EIF2AK2: variants seen among roughly 807,000 people sequenced by gnomAD.
The protein encoded by EIF2AK2 is interferon-induced, double-stranded RNA-activated protein kinase.
In EIF2AK2, 40 loss-of-function variants were observed where a neutral mutation model predicts 70.5. That is an observed-to-expected ratio of 0.57 (90% CI 0.44 to 0.74). The LOEUF (loss-of-function observed/expected upper bound fraction) is 0.74. Ranked by LOEUF, EIF2AK2 falls within the 30% of genes least tolerant of loss-of-function variation. The pLI is 0.00. For synonymous variants in EIF2AK2, 198 were observed against 220.9 expected (o/e 0.90, Z 0.92); for missense variants, 555 against 644.3 (o/e 0.86, Z 1.50).
intron 12 of EIF2AK2, among the ~76,000 whole-genome samples, chr2:37,120,856 C>T (rs1364856899): frequency 6.8e-6 from 1 of 147,844 alleles, no homozygotes; most frequent in Non-Finnish European, 1.5e-5. Context: ...CTCAGCTACT[C>T]GGGAGGATGA....
At position 37,105,782 on chromosome 2, in the gene EIF2AK2, T is replaced by C. The variant is rs1429214968; in HGVS notation, c.*1491A>G. On this transcript the variant is annotated 3_prime_UTR_variant, in exon 17 of 17. Transcript: ENST00000233057. ...TCAAATATATCTTCTCCAGAGCTCA[T>C]GCCAGACCCCTTGTCCAGACTTCCT... 6.6e-6 allele frequency: 1 copy of C among 152,238 alleles called. No individual in the cohort carries two copies. Among genetic ancestry groups the C allele is most frequent in the South Asian group, 2.1e-4 (1 of 4,832 alleles). The allele number at this position is 152,238 out of a possible 1,614,324, so 9.4% of individuals were successfully genotyped here.
intron 14 of EIF2AK2, among the ~76,000 whole-genome samples, chr2:37,110,633 G>C (rs1459399648): frequency 1.3e-5 from 2 of 152,134 alleles, no homozygotes; most frequent in African/African-American, 4.8e-5. Context: ...CAAACCATCA[G>C]ATAGCTCAGT....
chr2:37,120,690 C>T (rs1257099652), intron 12 of EIF2AK2, among the ~76,000 whole-genome samples: 4 of 149,854 alleles, frequency 2.7e-5, no homozygotes, highest in South Asian at 2.2e-4. Flanking sequence ...GGGCTGGGCA[C>T]GGTGGCTCAC....
chr2:37,152,135 A>G (rs1675766698), intron 1 of EIF2AK2, among the ~76,000 whole-genome samples: 1 of 152,268 alleles, frequency 6.6e-6, no homozygotes, highest in African/African-American at 2.4e-5. Flanking sequence ...TGAAAAATCC[A>G]GACATAAAAT....
chr2:37,150,780 A>T (rs909778436), intron 1 of EIF2AK2, among the ~76,000 whole-genome samples: 1 of 152,234 alleles, frequency 6.6e-6, no homozygotes, highest in Non-Finnish European at 1.5e-5. Flanking sequence ...TGAAATCATG[A>T]AGGATTTAAC....
At chr2:37,117,152 G>A (rs1416258115) in intron 13 of EIF2AK2, among the ~76,000 whole-genome samples, 1 of 150,692 alleles carries the variant, frequency 6.6e-6, no homozygotes, top group Non-Finnish European at 1.5e-5. Flanking sequence ...GTCAGAGGCT[G>A]CAGTGAGCCG....
rs142683749 is a variant in EIF2AK2, at chr2:37,132,062, T to A, written c.785+3422A>T. ...GCTCTACTTCCAAAAAAGGCTGCAG[T>A]TACCCATTGCAAAGGACTTCAATCA... On this transcript the variant is annotated intron_variant, in intron 10 of 16. Coordinates refer to ENST00000233057, the MANE Select transcript of EIF2AK2 (RefSeq NM_001135651.3). 5.3e-4 allele frequency among the ~76,000 whole-genome samples: 80 copies of A among 152,236 alleles called. No homozygotes were observed. The East Asian group carries it at 0.015, about 29-fold the overall frequency.
At position 37,106,416 on chromosome 2, in the gene EIF2AK2, G is replaced by A. The variant is rs950422129; in HGVS notation, c.*857C>T. ...CATTCTTCTTTTGATGTGCATTATG[G>A]TTGTTCCCTGTTCTTTTGGCTATTA... On this transcript the variant is annotated 3_prime_UTR_variant, in exon 17 of 17. Transcript: ENST00000233057. The A allele has an allele frequency of 6.6e-6, 1 of 151,892 alleles. No individual in the cohort carries two copies. The highest frequency in any genetic ancestry group is 6.6e-5 in the Admixed American group (1 of 15,232). 9.4% of individuals were successfully genotyped at this position (151,892 alleles called of 1,614,324 possible). A position where few individuals can be genotyped will look rare whatever the true frequency, so the allele number is the denominator to read the frequency against.
intron 9 of EIF2AK2, 148 bp downstream of exon 9, chr2:37,136,834 TA>T: frequency 3.0e-6 from 2 of 675,538 alleles, no homozygotes; most frequent in Non-Finnish European, 4.7e-6. Flanking sequence ...TCGACACATC[TA>T]AAATTATTTG....
chr2:37,155,433 T>C (rs13027513), intron 1 of EIF2AK2, among the ~76,000 whole-genome samples: 62,721 of 152,078 alleles, frequency 0.41, 13,661 homozygotes, highest in East Asian at 0.77. Context: ...TTTCTCTACA[T>C]TTATAGTGCA....
At chr2:37,118,939 C>A (rs932489368) in intron 13 of EIF2AK2, among the ~76,000 whole-genome samples, 4 of 152,098 alleles carry the variant, frequency 2.6e-5, no homozygotes, top group Non-Finnish European at 4.4e-5. Context: ...CTGCCTAGAA[C>A]AGAAAAAGGC....
intron 6 of EIF2AK2, 107 bp downstream of exon 6, chr2:37,139,524 T>A (rs967955172): frequency 4.1e-6 from 6 of 1,454,820 alleles, no homozygotes; most frequent in Non-Finnish European, 5.6e-6. Context: ...AGGAATCATT[T>A]TGCTAAATCA....
rs1234686860 is a variant in EIF2AK2 at position 37,101,496 on chromosome 2, C to T, written c.*5777G>A. ...AACTCATTGATCAATATTAAAATCACTGAAAGTGGAACAATCAGACATCAT... is the reference window on the plus strand; with the variant it reads ...AACTCATTGATCAATATTAAAATCATTGAAAGTGGAACAATCAGACATCAT... On this transcript the variant is annotated 3_prime_UTR_variant, in exon 17 of 17. Transcript: ENST00000233057. 1 of 152,210 alleles carries T rather than the reference C, an allele frequency of 6.6e-6. No individual in the cohort carries two copies. Among genetic ancestry groups the T allele is most frequent in the Non-Finnish European group, 1.5e-5 (1 of 68,042 alleles). The allele number at this position is 152,210 out of a possible 1,614,324, so 9.4% of individuals were successfully genotyped here. A position where few individuals can be genotyped will look rare whatever the true frequency, so the allele number is the denominator to read the frequency against.
chr2:37,108,924 C>T (rs1354751945), intron 15 of EIF2AK2, among the ~76,000 whole-genome samples: 2 of 152,146 alleles, frequency 1.3e-5, no homozygotes, highest in African/African-American at 2.4e-5. Flanking sequence ...TTACACAAAG[C>T]AGTCAATCAA....
chr2:37,137,756 G>A (rs1675177291), intron 8 of EIF2AK2, among the ~76,000 whole-genome samples: 1 of 152,142 alleles, frequency 6.6e-6, no homozygotes, highest in Non-Finnish European at 1.5e-5. Context: ...ATAAGGATGA[G>A]TGAGGAAAGA....
chr2:37,147,901 C>CA (rs1675611791), intron 2 of EIF2AK2, 79 bp from the exon 3 acceptor site: 1 of 979,434 alleles, frequency 1.0e-6, no homozygotes, highest in Admixed American at 1.9e-5. Flanking sequence ...GTTTAGGAGA[C>CA]AGAGGGGTTG....
chr2:37,150,153 A>C (rs1031231272), intron 1 of EIF2AK2, among the ~76,000 whole-genome samples: 4 of 152,062 alleles, frequency 2.6e-5, no homozygotes, highest in Non-Finnish European at 5.9e-5. Context: ...AAAAAAAAAA[A>C]AAAACAAACT....
intron 1 of EIF2AK2, among the ~76,000 whole-genome samples, chr2:37,154,311 G>A (rs973430637): frequency 6.8e-6 from 1 of 146,710 alleles, no homozygotes; most frequent in Admixed American, 6.9e-5. Context: ...GGCAACAAGA[G>A]CGAAACTCCG....
chr2:37,138,362 C>T lies in EIF2AK2; in HGVS notation c.595G>A (p.Ala199Thr), dbSNP rs779876696. ...QSNSLVTSTL[A>T]SESSSEGDFS... Reference sequence around the variant, plus strand: ...TCACCTTCAGATGATGATTCAGAAGCGCTAGAAGAAAAGGGTGTAACTATT... The same window carrying T: ...TCACCTTCAGATGATGATTCAGAAGTGCTAGAAGAAAAGGGTGTAACTATT... The change falls in exon 8 of 17, where the codon GCT becomes ACT. Residue 199 changes from alanine to threonine, a missense_variant and splice_region_variant. Coordinates refer to ENST00000233057, the MANE Select transcript of EIF2AK2 (RefSeq NM_001135651.3). 9 of 1,612,890 alleles carry T rather than the reference C, an allele frequency of 5.6e-6. No individual in the cohort carries two copies. The highest frequency in any genetic ancestry group is 3.3e-5 in the Admixed American group (2 of 59,814).
Sources: allele counts gnomAD v4.1 joint callset (sites outside exome capture counted in the v4.1 genomes callset), GRCh38; gene constraint gnomAD v4.1.1; transcripts MANE v1.5; gene names NCBI Gene and HGNC (gene_info 2026-07-23, HGNC 2026-07-21).